Variants in NIBAN1 observed in about 807,000 individuals in gnomAD.
NIBAN1 encodes niban apoptosis regulator 1, also known as protein Niban 1.
NIBAN1 carries 81 observed loss-of-function variants against 75.1 expected under a neutral mutation model. That is an observed-to-expected ratio of 1.08 (90% CI 0.90 to 1.30). NIBAN1 has a LOEUF of 1.30. NIBAN1 is among the 50% of genes most tolerant of loss of function. The pLI, the probability that NIBAN1 is intolerant of heterozygous loss-of-function variation, is 0.00. For synonymous variants in NIBAN1, 436 were observed against 424.8 expected, an observed-to-expected ratio of 1.03 and a Z score of -0.32; for missense variants, 1,133 against 1,128.1, an observed-to-expected ratio of 1.00 and a Z score of -0.06.
intron 1 of NIBAN1, among the ~76,000 whole-genome samples, chr1:184,936,202 T>A (rs1227791097): frequency 6.6e-6 from 1 of 152,140 alleles, no homozygotes; most frequent in Non-Finnish European, 1.5e-5. Context: ...TTATGTGCTC[T>A]GCTTGGACTA....
chr1:184,826,511 G>A (rs1315511432), intron 6 of NIBAN1, among the ~76,000 whole-genome samples: 1 of 152,176 alleles, frequency 6.6e-6, no homozygotes, highest in Non-Finnish European at 1.5e-5. Flanking sequence ...GAACACATCT[G>A]CCGAAAGTGT....
At chr1:184,949,053 A>G (rs573418083) in intron 1 of NIBAN1, among the ~76,000 whole-genome samples, 1 of 152,218 alleles carries the variant, frequency 6.6e-6, no homozygotes, top group South Asian at 2.1e-4. Context: ...TGGATTTGCT[A>G]TACTCTGACA....
intron 5 of NIBAN1, among the ~76,000 whole-genome samples, chr1:184,859,032 A>G (rs202199357): frequency 1.3e-5 from 2 of 152,108 alleles, no homozygotes; most frequent in Non-Finnish European, 2.9e-5. Context: ...GGAAAGATAC[A>G]TACAGGAATT....
At chr1:184,909,010 C>G (rs1043956992) in intron 1 of NIBAN1, among the ~76,000 whole-genome samples, 1 of 152,186 alleles carries the variant, frequency 6.6e-6, no homozygotes, top group Admixed American at 6.5e-5. Context: ...AAACATCTAA[C>G]TGAAATTCAG....
chr1:184,891,393 T>A (rs1399675430), intron 3 of NIBAN1, among the ~76,000 whole-genome samples: 1 of 152,186 alleles, frequency 6.6e-6, no homozygotes, highest in Non-Finnish European at 1.5e-5. Context: ...AGTGAAACAA[T>A]AATGTTGAGA....
At chr1:184,941,682 A>T (rs1221896901) in intron 1 of NIBAN1, among the ~76,000 whole-genome samples, 2 of 151,544 alleles carry the variant, frequency 1.3e-5, no homozygotes, top group East Asian at 1.9e-4. Context: ...CCTGGGAAAG[A>T]TCCCATAGAT....
intron 8 of NIBAN1, among the ~76,000 whole-genome samples, chr1:184,819,459 G>A (rs1439181526): frequency 6.6e-6 from 1 of 152,098 alleles, no homozygotes; most frequent in Non-Finnish European, 1.5e-5. Context: ...GAAGAAGAAT[G>A]AAAAAATGCC....
intron 5 of NIBAN1, among the ~76,000 whole-genome samples, chr1:184,870,061 C>T (rs1417943283): frequency 6.6e-6 from 1 of 152,182 alleles, no homozygotes; most frequent in African/African-American, 2.4e-5. Flanking sequence ...GGCTCCTTTC[C>T]TCAGAGATTC....
chr1:184,835,466 T>C (rs1409528546), intron 5 of NIBAN1, among the ~76,000 whole-genome samples: 1 of 152,264 alleles, frequency 6.6e-6, no homozygotes, highest in Non-Finnish European at 1.5e-5. Context: ...TCTTTCTTTC[T>C]ATCTGTGAGC....
chr1:184,820,218 G>A (rs1654656849), intron 8 of NIBAN1, among the ~76,000 whole-genome samples: 1 of 152,144 alleles, frequency 6.6e-6, no homozygotes, highest in South Asian at 2.1e-4. Flanking sequence ...GGAAGTATTT[G>A]AAAAGCATCT....
At chr1:184,796,466 T>C (rs1450999473) in intron 13 of NIBAN1, among the ~76,000 whole-genome samples, 1 of 152,196 alleles carries the variant, frequency 6.6e-6, no homozygotes, top group African/African-American at 2.4e-5. Context: ...CTCCAGTTTG[T>C]CCACCTGGAC....
At chr1:184,919,929 G>T (rs931209321) in intron 1 of NIBAN1, among the ~76,000 whole-genome samples, 1 of 151,788 alleles carries the variant, frequency 6.6e-6, no homozygotes, top group African/African-American at 2.4e-5. Context: ...GGGGGAGGGG[G>T]AGGTGTTGGG....
chr1:184,854,846 T>C (rs916113688), intron 5 of NIBAN1, among the ~76,000 whole-genome samples: 4 of 152,228 alleles, frequency 2.6e-5, no homozygotes. Flanking sequence ...GTATTGTAAT[T>C]AACTCAATCC....
intron 1 of NIBAN1, among the ~76,000 whole-genome samples, chr1:184,953,231 G>A (rs1658402857): frequency 6.6e-6 from 1 of 152,136 alleles, no homozygotes. Context: ...GGTTAGAGGA[G>A]GCTAGATAAC....
intron 5 of NIBAN1, among the ~76,000 whole-genome samples, chr1:184,845,455 T>C (rs1170721233): frequency 2.6e-5 from 4 of 152,244 alleles, no homozygotes; most frequent in Non-Finnish European, 4.4e-5. Context: ...TGGGGATAAC[T>C]TTAACTGCAA....
At chr1:184,955,850 G>T (rs1658475578) in intron 1 of NIBAN1, among the ~76,000 whole-genome samples, 1 of 152,094 alleles carries the variant, frequency 6.6e-6, no homozygotes, top group South Asian at 2.1e-4. Context: ...GAGATGAGAA[G>T]GTTGGGCAGA....
chr1:184,880,938 T>C (rs1331179510), intron 5 of NIBAN1, among the ~76,000 whole-genome samples: 3 of 152,180 alleles, frequency 2.0e-5, no homozygotes, highest in Admixed American at 6.6e-5. Flanking sequence ...GCAGCTACTA[T>C]TCTAGGATCA....
chr1:184,878,014 A>G (rs1465890473), intron 5 of NIBAN1, among the ~76,000 whole-genome samples: 1 of 152,064 alleles, frequency 6.6e-6, no homozygotes, highest in Non-Finnish European at 1.5e-5. Flanking sequence ...CAATTTTTAG[A>G]CCTTCATACC....
chr1:184,805,042 C>G (rs964525801), intron 11 of NIBAN1, among the ~76,000 whole-genome samples: 2 of 152,212 alleles, frequency 1.3e-5, no homozygotes, highest in Non-Finnish European at 2.9e-5. Flanking sequence ...CCCGCCTCGG[C>G]CTCCCAAAGT....
Sources: gnomAD v4.1 joint callset for allele counts (sites outside exome capture counted in the v4.1 genomes callset) on GRCh38, gnomAD v4.1.1 for gene constraint, MANE v1.5 for transcripts, NCBI Gene and HGNC (gene_info 2026-07-23, HGNC 2026-07-21) for gene names.